The following PON3 variants were observed in gnomAD, a reference collection of about 807,000 sequenced individuals.
PON3 encodes paraoxonase 3.
PON3 carries 37 observed loss-of-function variants against 36.3 expected under a neutral mutation model. The observed-to-expected ratio is 1.02, with a 90% CI of 0.78 to 1.34. The LOEUF (loss-of-function observed/expected upper bound fraction) is 1.34, where lower values mean the gene tolerates loss of function less well. Ranked by LOEUF, PON3 falls within the 40% of genes most tolerant of loss-of-function variation. PON3 has a pLI of 0.00. For missense variants in PON3, 415 were observed against 426.5 expected, an observed-to-expected ratio of 0.97 and a Z score of 0.24; for synonymous variants, 155 against 154.8, an observed-to-expected ratio of 1.00 and a Z score of -0.01.
intron 3 of PON3, among the ~76,000 whole-genome samples, chr7:95,372,657 G>A (rs141184633): frequency 1.1e-4 from 16 of 152,198 alleles, no homozygotes; most frequent in African/African-American, 2.4e-4. Context: ...TCACATGCCC[G>A]TACCTCACAT....
chr7:95,361,541 A>C (rs2116372948), intron 8 of PON3, among the ~76,000 whole-genome samples: 1 of 152,138 alleles, frequency 6.6e-6, no homozygotes, highest in Admixed American at 6.5e-5. Flanking sequence ...TTTCCCATAA[A>C]ATTTGCCATC....
chr7:95,360,511 C>T (rs893898540), intron 8 of PON3, among the ~76,000 whole-genome samples: 2 of 152,158 alleles, frequency 1.3e-5, no homozygotes, highest in African/African-American at 4.8e-5. Context: ...TGAAGAAACA[C>T]CCAGTTATCC....
chr7:95,369,374 T>G (rs140086869), intron 4 of PON3, among the ~76,000 whole-genome samples: 14 of 152,270 alleles, frequency 9.2e-5, no homozygotes, highest in African/African-American at 3.4e-4. Context: ...ACGTTCTTCA[T>G]AGAGTGTCAT....
In PON3 at chr7:95,396,364, C is replaced by T; in HGVS notation, c.-14G>A. 1.2e-6 allele frequency: 2 copies of T among 1,613,424 alleles called. No individual in the cohort carries two copies. Among genetic ancestry groups the T allele is most frequent in the Non-Finnish European group, 1.7e-6 (2 of 1,179,646 alleles). ...GAGCTTCCCCATGGTCTCGGGGTGC[C>T]CAGCGGCGACTGCGCGGCGCCGAGA... On this transcript the variant is annotated 5_prime_UTR_variant, in exon 1 of 9. Coordinates refer to ENST00000265627, the MANE Select transcript of PON3 (RefSeq NM_000940.3).
intron 3 of PON3, among the ~76,000 whole-genome samples, chr7:95,384,480 T>G (rs556137906): frequency 2.8e-4 from 43 of 152,134 alleles, no homozygotes; most frequent in Non-Finnish European, 3.8e-4. Context: ...ATATCCAGAA[T>G]CTACAAATAA....
chr7:95,383,625 A>G (rs1259395159), intron 3 of PON3, among the ~76,000 whole-genome samples: 1 of 152,214 alleles, frequency 6.6e-6, no homozygotes, highest in East Asian at 1.9e-4. Context: ...AGAATAAAAT[A>G]CCCAGGAATC....
intron 3 of PON3, among the ~76,000 whole-genome samples, chr7:95,378,536 T>A (rs1192483909): frequency 6.6e-6 from 1 of 152,170 alleles, no homozygotes; most frequent in Non-Finnish European, 1.5e-5. Flanking sequence ...AGGAAGCCCA[T>A]TAGACTAACA....
intron 3 of PON3, among the ~76,000 whole-genome samples, chr7:95,386,437 A>C (rs369893872): frequency 6.6e-6 from 1 of 152,208 alleles, no homozygotes; most frequent in South Asian, 2.1e-4. Context: ...ACCAGGAAAA[A>C]GTTGAATCTC....
At chr7:95,378,312 C>G (rs1808966633) in intron 3 of PON3, among the ~76,000 whole-genome samples, 1 of 152,134 alleles carries the variant, frequency 6.6e-6, no homozygotes, top group Admixed American at 6.5e-5. Flanking sequence ...AGAATGGATC[C>G]AACTTAGAAA....
chr7:95,370,733 A>G (rs1410580156), intron 4 of PON3, among the ~76,000 whole-genome samples: 2 of 152,226 alleles, frequency 1.3e-5, no homozygotes, highest in Non-Finnish European at 2.9e-5. Context: ...GTCAAAAATA[A>G]TATTGGAAAC....
intron 3 of PON3, among the ~76,000 whole-genome samples, chr7:95,389,304 A>T (rs571796380): frequency 2.6e-4 from 40 of 152,298 alleles, no homozygotes; most frequent in Middle Eastern, 3.4e-3. Context: ...GAATTTATAA[A>T]TTCAGGCCAC....
At chr7:95,385,825 T>C (rs1809177053) in intron 3 of PON3, among the ~76,000 whole-genome samples, 3 of 152,060 alleles carry the variant, frequency 2.0e-5, no homozygotes, top group Admixed American at 1.3e-4. Flanking sequence ...ACTGGGTAAA[T>C]AATGAAATGA....
In PON3 at chr7:95,363,870, C is replaced by T. The variant is rs778861736; in HGVS notation, c.688G>A (p.Asp230Asn). The change falls in exon 6 of 9, where the codon GAC (aspartate) becomes AAC (asparagine). Residue 230 changes from aspartate (D) to asparagine (N), a missense_variant. By Grantham distance (23) the Asp-to-Asn change is conservative. Transcript: ENST00000265627. ...CSANGITVSADQKYVYVADVA... is the reference protein window; with the variant it reads ...CSANGITVSANQKYVYVADVA... ...ATACACAAAAGAGCTTACTTCTGGT[C>T]TGCTGAGACTGTGATCCCATTGGCA... The T allele has an allele frequency of 1.2e-4, 186 of 1,613,100 alleles. No homozygotes were observed. Among genetic ancestry groups the T allele is most frequent in the Middle Eastern group, 1.6e-4 (1 of 6,078 alleles).
chr7:95,377,492 G>A, intron 3 of PON3: 1 of 339,148 alleles, frequency 2.9e-6, no homozygotes, highest in South Asian at 2.2e-5. Flanking sequence ...CACCCATGTA[G>A]CCTGACTGGG....
chr7:95,378,686 T>C (rs1808974909), intron 3 of PON3, among the ~76,000 whole-genome samples: 1 of 152,226 alleles, frequency 6.6e-6, no homozygotes, highest in Admixed American at 6.5e-5. Flanking sequence ...ATAAAATCCT[T>C]TACAGACAAC....
rs550099901 is a variant in PON3, at chr7:95,381,616, A to G, written c.201+8538T>C. Among the ~76,000 whole-genome samples the G allele has an allele frequency of 1.5e-3, 227 of 152,320 alleles. 1 individual carries two copies. Among genetic ancestry groups the G allele is most frequent in the Middle Eastern group, 6.8e-3 (2 of 294 alleles). Reference sequence around the variant, plus strand: ...CAAAACAGACAAAGAAGGCCATTAAACAATGGTAGAGGGATCAATTCAACG... The same window carrying G: ...CAAAACAGACAAAGAAGGCCATTAAGCAATGGTAGAGGGATCAATTCAACG... On this transcript the variant is annotated intron_variant, in intron 3 of 8. Coordinates refer to ENST00000265627, the MANE Select transcript of PON3 (RefSeq NM_000940.3).
At chr7:95,381,376 C>A (rs543247657) in intron 3 of PON3, among the ~76,000 whole-genome samples, 2 of 152,228 alleles carry the variant, frequency 1.3e-5, no homozygotes, top group African/African-American at 4.8e-5. Flanking sequence ...TGTAAATGGG[C>A]TAAATGCTCC....
At chr7:95,386,843 A>G (rs886798491) in intron 3 of PON3, among the ~76,000 whole-genome samples, 3 of 152,222 alleles carry the variant, frequency 2.0e-5, no homozygotes, top group African/African-American at 7.2e-5. Flanking sequence ...ACACAAATCA[A>G]TAAATGTAAT....
rs570382982 is a variant in PON3, at chr7:95,376,909, C to A, written c.202-4571G>T. Among the ~76,000 whole-genome samples, 6 of 152,326 alleles carry A rather than the reference C, an allele frequency of 3.9e-5. 1 individual carries two copies. Among genetic ancestry groups the A allele is most frequent in the African/African-American group, 7.2e-5 (3 of 41,582 alleles). Reference sequence around the variant, plus strand: ...ATTGGGACTGGTTGGACAGTGGGTGCAGCCCATGGAGGGCAAGCCAAAGTG... The same window carrying A: ...ATTGGGACTGGTTGGACAGTGGGTGAAGCCCATGGAGGGCAAGCCAAAGTG... On this transcript the variant is annotated intron_variant, in intron 3 of 8. Transcript: ENST00000265627.
Sources: allele counts gnomAD v4.1 joint callset (sites outside exome capture counted in the v4.1 genomes callset), GRCh38; gene constraint gnomAD v4.1.1; transcripts MANE v1.5; gene names NCBI Gene and HGNC (gene_info 2026-07-23, HGNC 2026-07-21).